The following PREX1 variants were observed in gnomAD, a reference collection of about 807,000 sequenced individuals.
The protein encoded by PREX1 is phosphatidylinositol-3,4,5-trisphosphate dependent Rac exchange factor 1.
PREX1 carries 41 observed loss-of-function variants against 198.3 expected under a neutral mutation model. The ratio of observed to expected loss-of-function variants is 0.21; its 90% CI spans 0.16 to 0.27. PREX1 has a LOEUF of 0.27. PREX1 is among the 10% of genes least tolerant of loss of function. The pLI is 1.00. For missense variants in PREX1, 1,620 were observed against 2,200.7 expected (o/e 0.74, Z 5.28); for synonymous variants, 843 against 887.2 (o/e 0.95, Z 0.89).
In PREX1 at chr20:48,636,599, G is replaced by A. The variant is rs374959294; in HGVS notation, c.4031C>T (p.Ala1344Val). Residue 1344 changes from alanine (A) to valine (V), a missense_variant, in exon 32 of 40, where the codon GCG (alanine) becomes GTG (valine). Coordinates refer to ENST00000371941, the MANE Select transcript of PREX1 (RefSeq NM_020820.4). ...GTTGTTGTAGCGGTAGCCCAGGGCCGCCAGCAGCTGCTTGGAGAAGGTGCA... is the reference window on the plus strand; with the variant it reads ...GTTGTTGTAGCGGTAGCCCAGGGCCACCAGCAGCTGCTTGGAGAAGGTGCA... ...AVCTFSKQLL[A>V]ALGYRYNNNG... is the part of the protein sequence containing the mutation. 4.3e-5 allele frequency: 69 copies of A among 1,611,484 alleles called. No individual in the cohort carries two copies. Among genetic ancestry groups the A allele is most frequent in the Admixed American group, 6.7e-5 (4 of 59,930 alleles).
At chr20:48,706,417 C>G (rs1332984681) in intron 6 of PREX1, among the ~76,000 whole-genome samples, 1 of 152,190 alleles carries the variant, frequency 6.6e-6, no homozygotes, top group African/African-American at 2.4e-5. Context: ...ACTCAAAACC[C>G]ATATAGACAG....
intron 1 of PREX1, among the ~76,000 whole-genome samples, chr20:48,803,115 G>A (rs1337696101): frequency 1.3e-5 from 2 of 152,204 alleles, no homozygotes; most frequent in African/African-American, 4.8e-5. Flanking sequence ...TCAGATTTGC[G>A]ATATCCTGGT....
chr20:48,886,051 G>A, the PREX1 span, among the ~76,000 whole-genome samples: 1 of 152,176 alleles, frequency 6.6e-6, no homozygotes, highest in African/African-American at 2.4e-5. Context: ...GTAAACTATG[G>A]ACTCCGGGGG....
intron 19 of PREX1, among the ~76,000 whole-genome samples, chr20:48,653,817 C>T (rs372690371): frequency 1.3e-3 from 203 of 152,330 alleles, no homozygotes; most frequent in African/African-American, 4.7e-3. Flanking sequence ...GCTACTGGGC[C>T]GCATTTGGCA....
chr20:48,740,002 A>C (rs959689049), intron 3 of PREX1, among the ~76,000 whole-genome samples: 2 of 152,156 alleles, frequency 1.3e-5, no homozygotes, highest in African/African-American at 4.8e-5. Flanking sequence ...CTCAGTAGTT[A>C]GTGGTTGGGT....
intron 15 of PREX1, among the ~76,000 whole-genome samples, chr20:48,663,251 A>C (rs532710304): frequency 1.3e-5 from 2 of 152,336 alleles, no homozygotes; most frequent in East Asian, 3.9e-4. Flanking sequence ...GAGTCAGCTG[A>C]GTCAGGGACC....
chr20:48,804,341 A>C (rs1455702553), intron 1 of PREX1, among the ~76,000 whole-genome samples: 1 of 152,168 alleles, frequency 6.6e-6, no homozygotes, highest in Non-Finnish European at 1.5e-5. Context: ...CACGGAGAAG[A>C]GGGAGACAGA....
intron 15 of PREX1, among the ~76,000 whole-genome samples, chr20:48,661,198 T>C (rs2089588075): frequency 6.6e-6 from 1 of 151,650 alleles, no homozygotes; most frequent in Admixed American, 6.6e-5. Flanking sequence ...GCAGGCAGAT[T>C]ACCCAAGGTG....
At chr20:48,658,069 G>A in intron 17 of PREX1, 67 bp downstream of exon 17, 2 of 1,460,182 alleles carry the variant, frequency 1.4e-6, no homozygotes, top group Non-Finnish European at 1.9e-6. Flanking sequence ...GCCTCAAGGA[G>A]GGTGAAGAGA....
At chr20:48,878,595 C>A in the PREX1 span, among the ~76,000 whole-genome samples, 1 of 152,186 alleles carries the variant, frequency 6.6e-6, no homozygotes, top group Non-Finnish European at 1.5e-5. Flanking sequence ...GCCTCAGCCT[C>A]CCAAAGTGCT....
intron 4 of PREX1, among the ~76,000 whole-genome samples, chr20:48,732,982 A>G (rs757482981): frequency 3.9e-5 from 6 of 152,160 alleles, no homozygotes; most frequent in Non-Finnish European, 8.8e-5. Context: ...TACCAGCCCC[A>G]GACTGTCTGC....
chr20:48,780,716 G>A (rs62210126), intron 1 of PREX1, among the ~76,000 whole-genome samples: 40,003 of 152,110 alleles, frequency 0.26, 6,219 homozygotes, highest in Non-Finnish European at 0.33. Context: ...AGCCACGACT[G>A]GAAGACCACA....
At chr20:48,785,903 G>C (rs1202569604) in intron 1 of PREX1, among the ~76,000 whole-genome samples, 2 of 152,356 alleles carry the variant, frequency 1.3e-5, no homozygotes, top group African/African-American at 4.8e-5. Context: ...CTCTAGCAAA[G>C]GGAGACAGAC....
intron 2 of PREX1, among the ~76,000 whole-genome samples, chr20:48,745,850 A>T (rs1264268253): frequency 6.6e-6 from 1 of 152,196 alleles, no homozygotes; most frequent in Non-Finnish European, 1.5e-5. Context: ...GTCAAGGGAC[A>T]TTTTTGGTTG....
Position 48,642,505 on chromosome 20 carries a change from A to C in PREX1, c.3602-16T>G, listed in dbSNP as rs1340883011. ...AGCTCATCTCCTGGCAGGAGGTAGA[A>C]GCAGCAGCCATCAGTCATTCCTGCC... On this transcript the variant is annotated splice_polypyrimidine_tract_variant and intron_variant, in intron 27 of 39. Transcript: ENST00000371941. The C allele has an allele frequency of 1.2e-6, 2 of 1,600,084 alleles. No homozygotes were observed. Among genetic ancestry groups the C allele is most frequent in the African/African-American group, 2.7e-5 (2 of 74,576 alleles).
At chr20:48,686,602 C>A (rs1321649638) in intron 10 of PREX1, among the ~76,000 whole-genome samples, 2 of 152,180 alleles carry the variant, frequency 1.3e-5, no homozygotes, top group African/African-American at 4.8e-5. Flanking sequence ...GAGAGAAAAA[C>A]CTCCTTTCCT....
At chr20:48,668,216 G>C (rs1021474194) in intron 14 of PREX1, among the ~76,000 whole-genome samples, 1 of 152,180 alleles carries the variant, frequency 6.6e-6, no homozygotes, top group Admixed American at 6.5e-5. Context: ...AACAGCAGGG[G>C]CAAAGGTCTG....
intron 1 of PREX1, among the ~76,000 whole-genome samples, chr20:48,811,729 C>A (rs1303353855): frequency 6.6e-6 from 1 of 152,176 alleles, no homozygotes; most frequent in Non-Finnish European, 1.5e-5. Context: ...TGGATACACA[C>A]ACACACCCCT....
At chr20:48,742,698 G>A (rs1035327953) in intron 3 of PREX1, among the ~76,000 whole-genome samples, 2 of 152,136 alleles carry the variant, frequency 1.3e-5, no homozygotes, top group African/African-American at 4.8e-5. Context: ...CGGAAAAGAG[G>A]TTGCTTCATG....
Sources: allele counts gnomAD v4.1 joint callset (sites outside exome capture counted in the v4.1 genomes callset), GRCh38; gene constraint gnomAD v4.1.1; transcripts MANE v1.5; gene names NCBI Gene and HGNC (gene_info 2026-07-23, HGNC 2026-07-21).